Variants in MALRD1 observed in about 807,000 individuals in gnomAD.
MALRD1 encodes the protein MAM and LDL receptor class A domain containing 1, also known as MAM and LDL-receptor class A domain-containing protein 1.
A neutral mutation model predicts 242.1 loss-of-function variants in MALRD1; 247 were observed. That is an observed-to-expected ratio of 1.02 (90% CI 0.92 to 1.13). The LOEUF (loss-of-function observed/expected upper bound fraction) is 1.13, where lower values mean the gene tolerates loss of function less well. MALRD1 is among the 50% of genes most tolerant of loss of function. The pLI is 0.00. For missense variants in MALRD1, 2,989 were observed against 2,533.1 expected, an observed-to-expected ratio of 1.18 and a Z score of -3.86; for synonymous variants, 995 against 866.6, an observed-to-expected ratio of 1.15 and a Z score of -2.60.
At chr10:19,405,244 C>T (rs962972765) in intron 28 of MALRD1, among the ~76,000 whole-genome samples, 14 of 152,106 alleles carry the variant, frequency 9.2e-5, no homozygotes, top group African/African-American at 3.4e-4. Context: ...GAAATATGAA[C>T]AAAATTATTA....
Position 19,410,971 on chromosome 10 carries a change from T to C in MALRD1, c.4845+21362T>C, listed in dbSNP as rs183074400. Among the ~76,000 whole-genome samples, 17 of 152,316 alleles carry C rather than the reference T, an allele frequency of 1.1e-4. No individual in the cohort carries two copies. The East Asian group carries it at 3.1e-3, about 28-fold the overall frequency. ...TTTTTTCCATTTTATTCACTCTTAA[T>C]TGGGCATTTTTGGTAAATGTGCTAT... is the stretch of plus-strand genomic sequence containing the variant. On this transcript the variant is annotated intron_variant, in intron 28 of 39. Transcript: ENST00000454679.
At chr10:19,232,898 C>T (rs1838146466) in intron 18 of MALRD1, among the ~76,000 whole-genome samples, 7 of 152,136 alleles carry the variant, frequency 4.6e-5, no homozygotes, top group Admixed American at 4.6e-4. Context: ...CTCCACACTT[C>T]ACACTTTTAC....
chr10:19,209,740 G>T, intron 18 of MALRD1, 60 bp downstream of exon 18: 1 of 1,408,264 alleles, frequency 7.1e-7, no homozygotes. Context: ...TAAGGAATAT[G>T]AAAGATCGCT....
chr10:19,468,313 ATAT>A (rs1038878912), intron 29 of MALRD1, among the ~76,000 whole-genome samples: 1 of 152,156 alleles, frequency 6.6e-6, no homozygotes, highest in African/African-American at 2.4e-5. Flanking sequence ...ATTGCTTTAA[ATAT>A]AAGCATAGTC....
At chr10:19,180,453 A>C (rs771728532) in intron 14 of MALRD1, among the ~76,000 whole-genome samples, 1 of 152,258 alleles carries the variant, frequency 6.6e-6, no homozygotes, top group Non-Finnish European at 1.5e-5. Flanking sequence ...AAAGGCACCA[A>C]GAGGACACAG....
chr10:19,630,445 T>A (rs906524867), intron 36 of MALRD1, among the ~76,000 whole-genome samples: 8 of 152,182 alleles, frequency 5.3e-5, no homozygotes, highest in Admixed American at 3.9e-4. Context: ...GGGGGAATTC[T>A]AAGTTTGGAA....
rs373618915 is a variant in MALRD1, at chr10:19,366,771, T to A, written c.4441+14474T>A. On this transcript the variant is annotated intron_variant, in intron 26 of 39. Coordinates refer to ENST00000454679, the MANE Select transcript of MALRD1 (RefSeq NM_001142308.3). ...CCTTGTAAGTACCTGGAACTTTGGT[T>A]GCTGGGTCCAGAAGCATGTCTTACT... Among the ~76,000 whole-genome samples, 6 of 152,254 alleles carry A rather than the reference T, an allele frequency of 3.9e-5. No individual in the cohort carries two copies. In the East Asian group the frequency reaches 9.7e-4, roughly 25 times the overall value.
chr10:19,060,826 G>A (rs1313609004), intron 1 of MALRD1, among the ~76,000 whole-genome samples: 1 of 152,146 alleles, frequency 6.6e-6, no homozygotes, highest in Non-Finnish European at 1.5e-5. Flanking sequence ...GAGTGTCAAA[G>A]CAGCCTTATA....
chr10:19,282,043 A>C (rs1453588540), intron 20 of MALRD1, among the ~76,000 whole-genome samples: 1 of 151,690 alleles, frequency 6.6e-6, no homozygotes, highest in African/African-American at 2.4e-5. Flanking sequence ...ACAATACATT[A>C]TGGTTGACTC....
chr10:19,215,063 C>T (rs1038056429), intron 18 of MALRD1, among the ~76,000 whole-genome samples: 2 of 152,296 alleles, frequency 1.3e-5, no homozygotes, highest in Admixed American at 1.3e-4. Context: ...TGAGTGATCC[C>T]CTTTTGCTTT....
intron 21 of MALRD1, among the ~76,000 whole-genome samples, chr10:19,312,261 A>G (rs1842456349): frequency 6.6e-6 from 1 of 151,258 alleles, no homozygotes; most frequent in Non-Finnish European, 1.5e-5. Flanking sequence ...TTGAATGTTT[A>G]TATCCAAGGG....
intron 18 of MALRD1, among the ~76,000 whole-genome samples, chr10:19,257,157 C>T (rs1839550249): frequency 6.6e-6 from 1 of 152,018 alleles, no homozygotes; most frequent in South Asian, 2.1e-4. Flanking sequence ...TGAAGGAGAT[C>T]TAATCACGAT....
At chr10:19,363,755 G>A (rs1377919733) in intron 26 of MALRD1, among the ~76,000 whole-genome samples, 1 of 152,054 alleles carries the variant, frequency 6.6e-6, no homozygotes, top group Non-Finnish European at 1.5e-5. Context: ...ACAGAAGGAG[G>A]GTTAGTCCTG....
At chr10:19,588,311 A>G (rs1401738900) in intron 33 of MALRD1, among the ~76,000 whole-genome samples, 2 of 152,222 alleles carry the variant, frequency 1.3e-5, no homozygotes, top group East Asian at 1.9e-4. Context: ...TACTATTTAA[A>G]CCACTGATTT....
intron 18 of MALRD1, among the ~76,000 whole-genome samples, chr10:19,236,435 C>T (rs758683389): frequency 6.6e-6 from 1 of 152,160 alleles, no homozygotes; most frequent in Non-Finnish European, 1.5e-5. Context: ...TTCCTCCTCC[C>T]AGATTGAGGA....
intron 34 of MALRD1, among the ~76,000 whole-genome samples, chr10:19,599,713 G>C (rs75997079): frequency 1.6e-4 from 24 of 152,226 alleles, no homozygotes; most frequent in African/African-American, 5.3e-4. Context: ...TAGTAAGAGT[G>C]GGGGGTTTTA....
intron 32 of MALRD1, among the ~76,000 whole-genome samples, chr10:19,556,754 C>T (rs1257378620): frequency 6.6e-6 from 1 of 152,116 alleles, no homozygotes; most frequent in Non-Finnish European, 1.5e-5. Flanking sequence ...CATAAACATT[C>T]AGCACATCTG....
At chr10:19,547,331 G>A (rs1018201537) in intron 32 of MALRD1, among the ~76,000 whole-genome samples, 2 of 152,000 alleles carry the variant, frequency 1.3e-5, no homozygotes, top group African/African-American at 4.8e-5. Flanking sequence ...TACAAACCAA[G>A]TGAGGTGGAA....
chr10:19,113,197 T>C (rs1203866175), intron 5 of MALRD1, among the ~76,000 whole-genome samples: 1 of 152,122 alleles, frequency 6.6e-6, no homozygotes, highest in Non-Finnish European at 1.5e-5. Context: ...CCACTTCTCA[T>C]AAATCCATCA....
Sources: allele counts gnomAD v4.1 joint callset (sites outside exome capture counted in the v4.1 genomes callset), GRCh38; gene constraint gnomAD v4.1.1; transcripts MANE v1.5; gene names NCBI Gene and HGNC (gene_info 2026-07-23, HGNC 2026-07-21).